PIBF1: variants seen among roughly 807,000 people sequenced by gnomAD.
The protein encoded by PIBF1 is progesterone immunomodulatory binding factor 1, also known as progesterone-induced-blocking factor 1.
In PIBF1, 90 loss-of-function variants were observed where a neutral mutation model predicts 112.5. The ratio of observed to expected loss-of-function variants is 0.80; its 90% CI spans 0.67 to 0.95. The LOEUF is 0.95. PIBF1 is among the 40% of genes least tolerant of loss of function. The pLI is 0.00. For synonymous variants in PIBF1, 301 were observed against 288.6 expected (o/e 1.04, Z -0.44); for missense variants, 915 against 852.3 (o/e 1.07, Z -0.92).
chr13:72,860,306 GGGGTGT>G (rs2038632226), intron 10 of PIBF1, among the ~76,000 whole-genome samples: 1 of 91,342 alleles, frequency 1.1e-5, no homozygotes, highest in Non-Finnish European at 2.3e-5. Context: ...TGTTTTTTTA[GGGGTGT>G]GTGTGTGTGT....
chr13:72,889,534 T>C (rs902876014), intron 10 of PIBF1, among the ~76,000 whole-genome samples: 3 of 152,212 alleles, frequency 2.0e-5, no homozygotes, highest in African/African-American at 7.2e-5. Flanking sequence ...TTTCAGTGCT[T>C]TGTTATTAGT....
chr13:72,880,903 C>T (rs2039599838), intron 10 of PIBF1, among the ~76,000 whole-genome samples: 1 of 152,074 alleles, frequency 6.6e-6, no homozygotes, highest in African/African-American at 2.4e-5. Context: ...CTTACTTGGG[C>T]AAGTTGTTAA....
intron 5 of PIBF1, among the ~76,000 whole-genome samples, chr13:72,811,753 C>T (rs1297253490): frequency 2.0e-5 from 3 of 152,114 alleles, no homozygotes; most frequent in Non-Finnish European, 4.4e-5. Context: ...CCTCTCTTGC[C>T]TATACCTCTA....
chr13:72,893,972 C>A, intron 11 of PIBF1, 23 bp downstream of exon 11: 1 of 1,275,674 alleles, frequency 7.8e-7, no homozygotes, highest in Non-Finnish European at 1.0e-6. Context: ...GCTTTTCTTT[C>A]AACATTAGCA....
chr13:73,006,823 C>T (rs1412563041), intron 17 of PIBF1, among the ~76,000 whole-genome samples: 1 of 152,030 alleles, frequency 6.6e-6, no homozygotes, highest in Non-Finnish European at 1.5e-5. Context: ...TCTATCTTAT[C>T]AGTTATTTGT....
At chr13:72,931,842 C>T (rs1386887987) in intron 14 of PIBF1, among the ~76,000 whole-genome samples, 5 of 148,518 alleles carry the variant, frequency 3.4e-5, no homozygotes, top group South Asian at 2.1e-4. Flanking sequence ...CAATTTAAAC[C>T]GGAGGTACTA....
At chr13:72,988,858 G>A (rs992906920) in intron 16 of PIBF1, among the ~76,000 whole-genome samples, 12 of 152,058 alleles carry the variant, frequency 7.9e-5, no homozygotes, top group Non-Finnish European at 1.5e-4. Flanking sequence ...CCAACATGGT[G>A]AAACCCTGTC....
chr13:72,896,484 G>C (rs1001501475), intron 11 of PIBF1, among the ~76,000 whole-genome samples: 1 of 152,138 alleles, frequency 6.6e-6, no homozygotes, highest in Non-Finnish European at 1.5e-5. Context: ...AATTTAGGAG[G>C]TTAGTTATTG....
At chr13:72,824,650 A>G (rs1218272753) in intron 6 of PIBF1, among the ~76,000 whole-genome samples, 2 of 152,202 alleles carry the variant, frequency 1.3e-5, no homozygotes, top group Non-Finnish European at 2.9e-5. Context: ...GCATAATAAT[A>G]TTGATTCAGA....
At chr13:72,846,964 G>A (rs2037904533) in intron 9 of PIBF1, among the ~76,000 whole-genome samples, 1 of 152,092 alleles carries the variant, frequency 6.6e-6, no homozygotes, top group Non-Finnish European at 1.5e-5. Flanking sequence ...GAAATTAGGT[G>A]GCTGTTGGTT....
At chr13:72,808,906 T>A (rs2035868912) in intron 5 of PIBF1, among the ~76,000 whole-genome samples, 2 of 152,180 alleles carry the variant, frequency 1.3e-5, no homozygotes, top group Admixed American at 1.3e-4. Flanking sequence ...AACTCCATAG[T>A]GGTTTACTAA....
intron 10 of PIBF1, among the ~76,000 whole-genome samples, chr13:72,860,138 A>G (rs191541545): frequency 1.3e-5 from 2 of 152,308 alleles, no homozygotes; most frequent in East Asian, 3.9e-4. Context: ...TGAAGCATCA[A>G]GTGGGTAGCT....
intron 11 of PIBF1, among the ~76,000 whole-genome samples, chr13:72,895,126 A>T (rs1266238253): frequency 1.3e-5 from 2 of 152,018 alleles, no homozygotes; most frequent in African/African-American, 4.8e-5. Flanking sequence ...ACATCAAAAA[A>T]ATTTTTTAAA....
At chr13:72,830,088 G>A (rs2037027580) in intron 8 of PIBF1, among the ~76,000 whole-genome samples, 1 of 152,090 alleles carries the variant, frequency 6.6e-6, no homozygotes, top group Non-Finnish European at 1.5e-5. Flanking sequence ...TCTGTCATTG[G>A]TGTGCAGGAA....
chr13:72,810,888 G>A (rs548425551), intron 5 of PIBF1, among the ~76,000 whole-genome samples: 5 of 148,092 alleles, frequency 3.4e-5, no homozygotes, highest in African/African-American at 1.0e-4. Context: ...ACGGAGTCTC[G>A]TTCTGTTGCC....
intron 15 of PIBF1, among the ~76,000 whole-genome samples, chr13:72,968,138 T>G (rs1415391337): frequency 6.6e-6 from 1 of 151,462 alleles, no homozygotes; most frequent in Non-Finnish European, 1.5e-5. Context: ...GAGCCGAGAT[T>G]GCGCCACTGC....
chr13:72,999,233 G>A (rs943636303), intron 17 of PIBF1, among the ~76,000 whole-genome samples: 3 of 151,912 alleles, frequency 2.0e-5, no homozygotes, highest in African/African-American at 7.3e-5. Flanking sequence ...AACATAAACT[G>A]AAATGCATTG....
intron 17 of PIBF1, among the ~76,000 whole-genome samples, chr13:73,002,548 C>T (rs1025199466): frequency 6.6e-6 from 1 of 152,158 alleles, no homozygotes; most frequent in Non-Finnish European, 1.5e-5. Context: ...TCTTTTGCTG[C>T]TTTTCTGCTG....
intron 8 of PIBF1, among the ~76,000 whole-genome samples, chr13:72,833,136 T>C (rs1329232670): frequency 1.3e-5 from 2 of 152,228 alleles, no homozygotes; most frequent in East Asian, 1.9e-4. Context: ...TATATTCTTC[T>C]CTACACTGGT....
Sources: gnomAD v4.1 joint callset for allele counts (sites outside exome capture counted in the v4.1 genomes callset) on GRCh38, gnomAD v4.1.1 for gene constraint, MANE v1.5 for transcripts, NCBI Gene and HGNC (gene_info 2026-07-23, HGNC 2026-07-21) for gene names.